The following MYT1 variants were observed in gnomAD, a reference collection of about 807,000 sequenced individuals.
The protein encoded by MYT1 is myelin transcription factor I.
In MYT1, 23 loss-of-function variants were observed where a neutral mutation model predicts 123.0. The ratio of observed to expected loss-of-function variants is 0.19; its 90% CI spans 0.13 to 0.26. MYT1 has a LOEUF of 0.26. MYT1 is among the 10% of genes least tolerant of loss of function. The pLI is 1.00. For missense variants in MYT1, 1,125 were observed against 1,472.5 expected (o/e 0.76, Z 3.86); for synonymous variants, 518 against 575.3 (o/e 0.90, Z 1.43).
At chr20:64,170,918 G>T (rs1214982303) in intron 1 of MYT1, among the ~76,000 whole-genome samples, 8 of 135,834 alleles carry the variant, frequency 5.9e-5, no homozygotes, top group African/African-American at 2.2e-4. Flanking sequence ...GAGAGAGAGA[G>T]AGAGAGAGAG....
At chr20:64,229,328 C>G (rs1389079662) in intron 18 of MYT1, among the ~76,000 whole-genome samples, 1 of 152,134 alleles carries the variant, frequency 6.6e-6, no homozygotes, top group East Asian at 1.9e-4. Flanking sequence ...ATCCTGCTGG[C>G]AGGGATATTA....
At position 64,196,544 on chromosome 20, in the gene MYT1, C is replaced by T. The variant is rs777620961; in HGVS notation, c.1-2318C>T. On this transcript the variant is annotated intron_variant, in intron 2 of 22. Transcript: ENST00000328439. The surrounding 1 kb of genome is among the most constrained non-coding windows in gnomAD (Gnocchi z 4.3). ...AGTGTCCCAAGTCACCCAGCTCTTA[C>T]GGGTTCATTCTCGTATTAAAGAGCC... 1.3e-4 allele frequency among the ~76,000 whole-genome samples: 20 copies of T among 152,232 alleles called. No homozygotes were observed. Among genetic ancestry groups the T allele is most frequent in the Non-Finnish European group, 2.9e-4 (20 of 68,042 alleles).
chr20:64,218,764 T>A lies in MYT1; in HGVS notation c.1847-147T>A. ...CCCTCCCAAAGTGCCCCCTCCCCAC[T>A]GACTTGTCTGCATTGCTGCCTCTTT... On this transcript the variant is annotated intron_variant, in intron 11 of 22. Transcript: ENST00000328439. The surrounding 1 kb of genome is among the most constrained non-coding windows in gnomAD (Gnocchi z 4.0). 2.2e-3 allele frequency: 1,635 copies of A among 750,490 alleles called. No individual in the cohort carries two copies. Among genetic ancestry groups the A allele is most frequent in the East Asian group, 4.3e-3 (106 of 24,774 alleles). 46.5% of individuals were successfully genotyped at this position (750,490 alleles called of 1,614,324 possible). A position where few individuals can be genotyped will look rare whatever the true frequency, so the allele number is the denominator to read the frequency against.
chr20:64,206,218 G>C (rs1983485869), intron 6 of MYT1, among the ~76,000 whole-genome samples: 1 of 152,188 alleles, frequency 6.6e-6, no homozygotes, highest in African/African-American at 2.4e-5. Flanking sequence ...GGGGGCATGG[G>C]TGAGAGGTCT....
Position 64,208,138 on chromosome 20 carries a change from G to T in MYT1, c.942G>T (p.Gln314His), listed in dbSNP as rs1983553230. 1.2e-6 allele frequency: 2 copies of T among 1,612,848 alleles called. No individual in the cohort carries two copies. Among genetic ancestry groups the T allele is most frequent in the Non-Finnish European group, 1.7e-6 (2 of 1,179,312 alleles). ...EEEAAPDVIF[Q>H]EDTSHTSAQK... ...AGGCAGCTCCTGATGTGATCTTTCA[G>T]GAAGACACCTCTCACACCTCTGCCC... The change falls in exon 7 of 23, where the codon CAG (glutamine) becomes CAT (histidine). Residue 314 changes from glutamine to histidine, a missense_variant. Physicochemically the swap from Gln to His is conservative, Grantham distance 24. Coordinates refer to ENST00000328439, the MANE Select transcript of MYT1 (RefSeq NM_004535.3). The surrounding 1 kb of genome is among the most constrained non-coding windows in gnomAD (Gnocchi z 5.4).
At chr20:64,170,109 T>C (rs1186690236) in intron 1 of MYT1, among the ~76,000 whole-genome samples, 2 of 152,022 alleles carry the variant, frequency 1.3e-5, no homozygotes, top group Admixed American at 1.3e-4. Context: ...CCAACCTTAT[T>C]CTCCGTCCCA....
At chr20:64,221,854 G>T (rs201499970) in intron 13 of MYT1, 39 bp from the exon 14 acceptor site, 2 of 1,605,758 alleles carry the variant, frequency 1.2e-6, no homozygotes, top group South Asian at 1.1e-5. Context: ...AGGCCTCCCC[G>T]CCAGCCGGTT....
intron 18 of MYT1, among the ~76,000 whole-genome samples, chr20:64,229,115 G>A (rs1161243033): frequency 2.6e-5 from 4 of 152,244 alleles, no homozygotes; most frequent in Non-Finnish European, 4.4e-5. Context: ...GCTGTTTGGT[G>A]TAATAGGCTG....
At chr20:64,205,456 G>C in intron 5 of MYT1, 97 bp from the exon 6 acceptor site, 5 of 1,513,544 alleles carry the variant, frequency 3.3e-6, no homozygotes, top group Non-Finnish European at 4.5e-6. Flanking sequence ...CTGTGGGGAA[G>C]GGAGGGAGGG....
chr20:64,170,874 TATATATATATAGAGAGAGAGAG>T lies in MYT1; in HGVS notation c.-99+6137_-99+6158del, dbSNP rs1327159704. 1.3e-4 allele frequency among the ~76,000 whole-genome samples: 8 copies of T among 62,550 alleles called. No individual in the cohort carries two copies. In the East Asian group the frequency reaches 2.4e-3, roughly 19 times the overall value. 41.0% of individuals were successfully genotyped at this position (62,550 alleles called of 152,430 possible). On this transcript the variant is annotated intron_variant, in intron 1 of 22. Coordinates refer to ENST00000328439, the MANE Select transcript of MYT1 (RefSeq NM_004535.3). Reference sequence around the variant, plus strand: ...ATATATATATATATATATATATATATATATATATATAGAGAGAGAGAGAGAGAGAGAGAGAGAGAGAGAGAGA... The same window carrying T: ...ATATATATATATATATATATATATATAGAGAGAGAGAGAGAGAGAGAGAGA...
At chr20:64,238,346 C>T (rs1485481549) in intron 21 of MYT1, among the ~76,000 whole-genome samples, 2 of 152,196 alleles carry the variant, frequency 1.3e-5, no homozygotes, top group Admixed American at 6.5e-5. Flanking sequence ...GAGTAACATC[C>T]TCCAGCCCCA....
intron 19 of MYT1, among the ~76,000 whole-genome samples, chr20:64,235,221 T>G (rs1186161120): frequency 1.6e-5 from 1 of 62,464 alleles, no homozygotes; most frequent in Non-Finnish European, 2.7e-5. Flanking sequence ...GGTCATGGTG[T>G]GTGACCCGGG....
rs1983853896 is a variant in MYT1 at position 64,216,918 on chromosome 20, G to A, written c.1632-149G>A. 1.1e-5 allele frequency: 8 copies of A among 708,204 alleles called. 1 individual carries two copies. The South Asian group carries it at 1.3e-4, about 11-fold the overall frequency. The allele number at this position is 708,204 out of a possible 1,614,324, so 43.9% of individuals were successfully genotyped here. ...TGGAACTCTGCCCAGCTTTAGTGGTGGAATATGCAGGGGTAGTGTCTTCCT... is the reference window on the plus strand; with the variant it reads ...TGGAACTCTGCCCAGCTTTAGTGGTAGAATATGCAGGGGTAGTGTCTTCCT... On this transcript the variant is annotated intron_variant, in intron 10 of 22. Transcript: ENST00000328439.
chr20:64,176,639 C>T (rs1052689893), intron 1 of MYT1, among the ~76,000 whole-genome samples: 1 of 152,238 alleles, frequency 6.6e-6, no homozygotes, highest in African/African-American at 2.4e-5. Context: ...GATGTTCTCG[C>T]CCCAGAAGGA....
In MYT1 at chr20:64,241,570, T is replaced by G; in HGVS notation, c.*1122T>G. The G allele has an allele frequency of 6.5e-6, 1 of 152,736 alleles. No homozygotes were observed. 9.5% of individuals were successfully genotyped at this position (152,736 alleles called of 1,614,324 possible). A position where few individuals can be genotyped will look rare whatever the true frequency, so the allele number is the denominator to read the frequency against. ...TGTAAATTATTTAATTTTGTCAAGA[T>G]GTAAGTATTTATATTCACAGCCTCT... On this transcript the variant is annotated 3_prime_UTR_variant, in exon 23 of 23. Coordinates refer to ENST00000328439, the MANE Select transcript of MYT1 (RefSeq NM_004535.3). The surrounding 1 kb of genome is among the most constrained non-coding windows in gnomAD (Gnocchi z 4.2).
intron 16 of MYT1, among the ~76,000 whole-genome samples, chr20:64,226,926 C>T (rs1023397403): frequency 3.3e-5 from 5 of 152,262 alleles, no homozygotes; most frequent in Non-Finnish European, 5.9e-5. Flanking sequence ...ATGGTGGCCA[C>T]GCTTTGTGAG....
intron 13 of MYT1, among the ~76,000 whole-genome samples, chr20:64,220,773 G>C (rs1601719350): frequency 6.8e-6 from 1 of 146,498 alleles, no homozygotes. Context: ...CCTCAAGGAG[G>C]AATGAGGGGG....
At chr20:64,223,082 C>T (rs763357893) in intron 14 of MYT1, 29 bp from the exon 15 acceptor site, 200 of 1,613,680 alleles carry the variant, frequency 1.2e-4, no homozygotes, top group South Asian at 2.5e-4. Flanking sequence ...CACCACTCTC[C>T]GGTCTGACAC....
At chr20:64,209,293 G>A (rs1983593006) in intron 7 of MYT1, among the ~76,000 whole-genome samples, 1 of 152,170 alleles carries the variant, frequency 6.6e-6, no homozygotes, top group African/African-American at 2.4e-5. Context: ...ATTCCTCCTG[G>A]GACAGGGGTC....
Sources: gnomAD v4.1 joint callset for allele counts (sites outside exome capture counted in the v4.1 genomes callset) on GRCh38, gnomAD v4.1.1 for gene constraint, Gnocchi (gnomAD v3.1) non-coding constraint, MANE v1.5 for transcripts, NCBI Gene and HGNC (gene_info 2026-07-23, HGNC 2026-07-21) for gene names.